Variants in TANC1 observed in about 807,000 individuals in gnomAD.
The protein encoded by TANC1 is protein TANC1.
TANC1 carries 77 observed loss-of-function variants against 149.7 expected under a neutral mutation model. The ratio of observed to expected loss-of-function variants is 0.51; its 90% CI spans 0.43 to 0.62. TANC1 has a LOEUF of 0.62. Among genes scored for constraint, TANC1 ranks in the 20% least tolerant of loss-of-function variants. TANC1 has a pLI of 0.00. For synonymous variants in TANC1, 854 were observed against 925.0 expected, an observed-to-expected ratio of 0.92 and a Z score of 1.39; for missense variants, 1,985 against 2,321.8, an observed-to-expected ratio of 0.85 and a Z score of 2.98.
chr2:158,969,831 C>T (rs978987282), intron 1 of TANC1, among the ~76,000 whole-genome samples: 2 of 152,200 alleles, frequency 1.3e-5, no homozygotes, highest in African/African-American at 4.8e-5. Context: ...CTTCTCCCAG[C>T]CCCCTCCTGC....
intron 3 of TANC1, among the ~76,000 whole-genome samples, chr2:159,079,395 G>A (rs2044035423): frequency 7.7e-6 from 1 of 130,078 alleles, no homozygotes; most frequent in Non-Finnish European, 1.5e-5. Context: ...CAGACAGTGT[G>A]CTGCATGTTT....
In TANC1 at chr2:159,219,713, A is replaced by G. The variant is rs1290840910; in HGVS notation, c.3524A>G (p.Asp1175Gly). 4 of 1,614,178 alleles carry G rather than the reference A, an allele frequency of 2.5e-6. No individual in the cohort carries two copies. The highest frequency in any genetic ancestry group is 3.4e-6 in the Non-Finnish European group (4 of 1,180,036). ...LSKGAALSSLDKEGLSALSWA... is the reference protein window; with the variant it reads ...LSKGAALSSLGKEGLSALSWA... ...TCAGGTGCAGCCCTTTCTTCTCTAG[A>G]CAAAGAGGGTCTGTCAGCATTAAGC... Residue 1175 changes from aspartate to glycine, a missense_variant, in exon 22 of 27, where the codon GAC becomes GGC. Asp to Gly is a moderately conservative substitution (Grantham distance 94, BLOSUM62 -1). Around this residue, in one of 3 missense-constraint regions of TANC1, gnomAD observed 920 missense variants for 994.7 expected, o/e 0.92. Coordinates refer to ENST00000263635, the MANE Select transcript of TANC1 (RefSeq NM_033394.3).
chr2:159,207,510 G>T (rs1205739504), intron 19 of TANC1, among the ~76,000 whole-genome samples: 1 of 151,828 alleles, frequency 6.6e-6, no homozygotes, highest in African/African-American at 2.4e-5. Flanking sequence ...GACCAGTCTG[G>T]CCAACATGGT....
intron 2 of TANC1, among the ~76,000 whole-genome samples, chr2:159,008,356 C>T (rs2037427535): frequency 6.6e-6 from 1 of 152,148 alleles, no homozygotes; most frequent in African/African-American, 2.4e-5. Context: ...TGTAAGCCAT[C>T]AACAAGCTGT....
At chr2:159,136,344 A>G in intron 5 of TANC1, 46 bp downstream of exon 5, 1 of 1,050,568 alleles carries the variant, frequency 9.5e-7, no homozygotes, top group South Asian at 1.3e-5. Flanking sequence ...AAGATTTTAT[A>G]CAATGACACT....
intron 14 of TANC1, 38 bp downstream of exon 14, chr2:159,179,201 T>A (rs1262535314): frequency 4.5e-6 from 7 of 1,572,832 alleles, no homozygotes; most frequent in Non-Finnish European, 6.0e-6. Flanking sequence ...TTGCAGGGAA[T>A]CTCGTGTGCA....
chr2:159,026,078 G>T (rs2039316929), intron 2 of TANC1, among the ~76,000 whole-genome samples: 1 of 152,174 alleles, frequency 6.6e-6, no homozygotes, highest in Non-Finnish European at 1.5e-5. Context: ...GACTACAGGG[G>T]TACCCACAAT....
chr2:159,106,170 C>T (rs796080198), intron 4 of TANC1, among the ~76,000 whole-genome samples: 14 of 152,238 alleles, frequency 9.2e-5, no homozygotes, highest in African/African-American at 2.9e-4. Flanking sequence ...GTTTACAGTT[C>T]GATGTTCTTT....
chr2:159,095,423 G>GC (rs1301355340), intron 3 of TANC1, among the ~76,000 whole-genome samples: 1 of 152,128 alleles, frequency 6.6e-6, no homozygotes, highest in Non-Finnish European at 1.5e-5. Context: ...TCACTGCTCT[G>GC]CTGTGAGTTC....
At chr2:159,100,137 CT>C (rs1322196598) in intron 4 of TANC1, among the ~76,000 whole-genome samples, 1 of 152,112 alleles carries the variant, frequency 6.6e-6, no homozygotes, top group Non-Finnish European at 1.5e-5. Flanking sequence ...GAGATTTGAC[CT>C]TTTGTACAAT....
At chr2:159,034,118 G>T (rs1422936953) in intron 2 of TANC1, among the ~76,000 whole-genome samples, 6 of 152,162 alleles carry the variant, frequency 3.9e-5, no homozygotes, top group African/African-American at 1.4e-4. Context: ...TTGAATTGCT[G>T]CCTCTTGGCC....
intron 7 of TANC1, among the ~76,000 whole-genome samples, chr2:159,153,844 G>A (rs1443810052): frequency 6.6e-6 from 1 of 152,168 alleles, no homozygotes; most frequent in Non-Finnish European, 1.5e-5. Context: ...TGTAGCCTGG[G>A]AATGGCAGCT....
intron 1 of TANC1, among the ~76,000 whole-genome samples, chr2:158,995,805 C>T (rs1403404153): frequency 6.6e-6 from 1 of 152,162 alleles, no homozygotes; most frequent in Non-Finnish European, 1.5e-5. Flanking sequence ...ACTGCCTTAC[C>T]TACTGCCTTG....
At chr2:159,134,521 C>T (rs550820990) in intron 4 of TANC1, among the ~76,000 whole-genome samples, 1 of 152,212 alleles carries the variant, frequency 6.6e-6, no homozygotes, top group African/African-American at 2.4e-5. Context: ...CTTGCTCTGT[C>T]GCCCAGGCTA....
chr2:158,975,701 G>T (rs2033577202), intron 1 of TANC1, among the ~76,000 whole-genome samples: 1 of 151,682 alleles, frequency 6.6e-6, no homozygotes, highest in South Asian at 2.1e-4. Context: ...TTCCCAAAGT[G>T]CTGGATTACA....
rs746476102 is a variant in TANC1 at position 159,225,805 on chromosome 2, C to T, written c.3903+26C>T. On this transcript the variant is annotated intron_variant, in intron 24 of 26. Coordinates refer to ENST00000263635, the MANE Select transcript of TANC1 (RefSeq NM_033394.3). ...GTAAGTGGTTCCGCCCTTTTCTTTG[C>T]CATTGAAACTGCCTGGGAGCACCCT... is the stretch of plus-strand genomic sequence containing the variant. 4.5e-6 allele frequency: 7 copies of T among 1,549,124 alleles called. No individual in the cohort carries two copies. The Admixed American group carries it at 1.2e-4, about 26-fold the overall frequency.
chr2:159,117,156 T>C (rs1004870037), intron 4 of TANC1, among the ~76,000 whole-genome samples: 1 of 152,080 alleles, frequency 6.6e-6, no homozygotes, highest in African/African-American at 2.4e-5. Flanking sequence ...AAATACAACA[T>C]AGAAAGTAAA....
intron 1 of TANC1, among the ~76,000 whole-genome samples, chr2:158,994,867 G>T (rs566051590): frequency 6.6e-6 from 1 of 152,302 alleles, no homozygotes; most frequent in Admixed American, 6.5e-5. Context: ...ACTGTTTGGA[G>T]AAAGAACTGA....
chr2:159,128,381 G>A (rs1052690097), intron 4 of TANC1, among the ~76,000 whole-genome samples: 3 of 152,192 alleles, frequency 2.0e-5, no homozygotes, highest in Admixed American at 6.5e-5. Flanking sequence ...CTGGTGCTGC[G>A]TTTTGTCATT....
Sources: gnomAD v4.1 joint callset for allele counts (sites outside exome capture counted in the v4.1 genomes callset) on GRCh38, gnomAD v4.1.1 for gene constraint, gnomAD v4.1.1 regional missense constraint, MANE v1.5 for transcripts, NCBI Gene and HGNC (gene_info 2026-07-23, HGNC 2026-07-21) for gene names.